Variants in CHI3L2 observed in about 807,000 individuals in gnomAD.
The protein encoded by CHI3L2 is chitinase 3 like 2.
In CHI3L2, 47 loss-of-function variants were observed where a neutral mutation model predicts 47.3. The ratio of observed to expected loss-of-function variants is 0.99; its 90% CI spans 0.79 to 1.27. The LOEUF is 1.27. CHI3L2 is among the 50% of genes most tolerant of loss of function. The probability of loss-of-function intolerance (pLI) is 0.00; values close to 1 mark genes in which losing one functional copy is unlikely to be tolerated. For missense variants in CHI3L2, 497 were observed against 462.1 expected (o/e 1.08, Z -0.69); for synonymous variants, 198 against 169.9 (o/e 1.17, Z -1.28).
chr1:111,231,289 CA>C lies in CHI3L2; in HGVS notation c.327del (p.Phe111SerfsTer18). The stretch of plus-strand genomic sequence containing the variant: ...CCATTGGAGGGTACCTGTTTGGTTC[CA>C]AAGGGTAAGACTACATCTTTATTTT... ...LSIGGYLFGS[K>X]GFHPMVDSST... On this transcript the variant is annotated frameshift_variant, in exon 4 of 11. Coordinates refer to ENST00000369748, the MANE Select transcript of CHI3L2 (RefSeq NM_004000.3). LOFTEE classifies it high-confidence loss of function. The C allele has an allele frequency of 6.2e-7, 1 of 1,607,514 alleles. No individual in the cohort carries two copies. The highest frequency in any genetic ancestry group is 8.5e-7 in the Non-Finnish European group (1 of 1,174,354).
rs184484506 is a variant in CHI3L2 at position 111,230,604 on chromosome 1, G to T, written c.71-138G>T. On this transcript the variant is annotated intron_variant, in intron 2 of 10. Coordinates refer to ENST00000369748, the MANE Select transcript of CHI3L2 (RefSeq NM_004000.3). ...GGGTACTCAAGAGCCAGCACTAAAG[G>T]CCCAGGCTGAATGACCCTCAGAGGC... 1.4e-3 allele frequency: 981 copies of T among 692,716 alleles called. 5 individuals carry two copies. The highest frequency in any genetic ancestry group is 3.2e-3 in the Admixed American group (134 of 41,552). The allele number at this position is 692,716 out of a possible 1,614,324, so 42.9% of individuals were successfully genotyped here. A position where few individuals can be genotyped will look rare whatever the true frequency, so the allele number is the denominator to read the frequency against.
At chr1:111,228,712 T>G (rs1303790805) in intron 1 of CHI3L2, among the ~76,000 whole-genome samples, 1 of 152,224 alleles carries the variant, frequency 6.6e-6, no homozygotes, top group African/African-American at 2.4e-5. Flanking sequence ...CCAGCAGCTG[T>G]GTCATTGAAA....
In CHI3L2 at chr1:111,241,587, A is replaced by G. The variant is rs187740728; in HGVS notation, c.1035+144A>G. The stretch of plus-strand genomic sequence containing the variant: ...CCAGCAGCCTTTATAGCTCAAGTCT[A>G]GTAGTGACTCTATGTCACACCCGCG... On this transcript the variant is annotated intron_variant, in intron 9 of 10. Coordinates refer to ENST00000369748, the MANE Select transcript of CHI3L2 (RefSeq NM_004000.3). 1.6e-3 allele frequency: 1,003 copies of G among 609,156 alleles called. 3 individuals carry two copies. Among genetic ancestry groups the G allele is most frequent in the Non-Finnish European group, 2.5e-3 (856 of 337,668 alleles). The allele number at this position is 609,156 out of a possible 1,614,324, so 37.7% of individuals were successfully genotyped here. A position where few individuals can be genotyped will look rare whatever the true frequency, so the allele number is the denominator to read the frequency against.
chr1:111,236,533 G>C (rs1446713595), intron 7 of CHI3L2, among the ~76,000 whole-genome samples: 1 of 152,110 alleles, frequency 6.6e-6, no homozygotes, highest in Non-Finnish European at 1.5e-5. Context: ...AAAACCCCAT[G>C]AGGTCAGCTG....
At position 111,242,241 on chromosome 1, in the gene CHI3L2, GAATTTA is replaced by G. The variant is rs1336805877; in HGVS notation, c.1053_1058del (p.Asn353_Leu354del). ...GTCTCCCATAGGTTCAGTTCTTAAA[GAATTTA>G]AACCTGGGAGGAGCCATGATCTGGT... is the stretch of plus-strand genomic sequence containing the variant. On this transcript the variant is annotated inframe_deletion, in exon 10 of 11. Transcript: ENST00000369748. 2 of 1,614,008 alleles carry G rather than the reference GAATTTA, an allele frequency of 1.2e-6. No homozygotes were observed. The highest frequency in any genetic ancestry group is 2.7e-5 in the African/African-American group (2 of 74,916).
Position 111,234,961 on chromosome 1 carries a change from A to G in CHI3L2, c.384A>G (p.Ile128Met), listed in dbSNP as rs1291481064. Residue 128 changes from isoleucine to methionine, a missense_variant, in exon 5 of 11, where the codon ATA (isoleucine) becomes ATG (methionine). Transcript: ENST00000369748. ...STSRLEFINS[I>M]ILFLRNHNFD... ...CACGCTTGGAATTCATTAACTCCAT[A>G]ATCCTGTTTCTGAGGAACCATAACT... 1 of 1,614,134 alleles carries G rather than the reference A, an allele frequency of 6.2e-7. No individual in the cohort carries two copies. The highest frequency in any genetic ancestry group is 1.7e-5 in the Admixed American group (1 of 60,028).
chr1:111,239,026 T>G, intron 8 of CHI3L2, 94 bp downstream of exon 8: 1 of 1,272,098 alleles, frequency 7.9e-7, no homozygotes, highest in African/African-American at 1.5e-5. Flanking sequence ...TCCTGAGTGT[T>G]GCGAAGGGGA....
chr1:111,232,156 G>C (rs1376334637), intron 4 of CHI3L2, among the ~76,000 whole-genome samples: 2 of 152,178 alleles, frequency 1.3e-5, no homozygotes, highest in African/African-American at 4.8e-5. Context: ...GTAGATTTCT[G>C]CACACAGAAA....
chr1:111,238,757 C>T lies in CHI3L2; in HGVS notation c.743C>T (p.Ala248Val), dbSNP rs145737207. Residue 248 changes from alanine (A) to valine (V), a missense_variant, in exon 8 of 11, where the codon GCT (alanine) becomes GTT (valine). Coordinates refer to ENST00000369748, the MANE Select transcript of CHI3L2 (RefSeq NM_004000.3). ...TCTCTCTTCCCATTCTAGGAATATG[C>T]TGTGGGGTACTGGATACATAAGGGA... is the stretch of plus-strand genomic sequence containing the variant. ...GPSSYYNVEY[A>V]VGYWIHKGMP... 3 of 1,613,596 alleles carry T rather than the reference C, an allele frequency of 1.9e-6. No individual in the cohort carries two copies. Among genetic ancestry groups the T allele is most frequent in the African/African-American group, 1.3e-5 (1 of 74,910 alleles).
At chr1:111,233,808 G>C (rs1465451138) in intron 4 of CHI3L2, among the ~76,000 whole-genome samples, 92 of 152,100 alleles carry the variant, frequency 6.0e-4, no homozygotes, top group African/African-American at 2.0e-3. Flanking sequence ...TGTGTAGAAA[G>C]AAGTAGACAT....
chr1:111,236,217 A>T, intron 7 of CHI3L2, 64 bp downstream of exon 7: 1 of 1,545,232 alleles, frequency 6.5e-7, no homozygotes, highest in Non-Finnish European at 8.9e-7. Flanking sequence ...AGAGTCCAGC[A>T]TGTCTAGAGT....
rs1659855679 is a variant in CHI3L2 at position 111,235,582 on chromosome 1, C to T, written c.481-57C>T. 1.9e-6 allele frequency: 3 copies of T among 1,572,602 alleles called. No individual in the cohort carries two copies. The Admixed American group carries it at 5.4e-5, about 29-fold the overall frequency. On this transcript the variant is annotated intron_variant, in intron 5 of 10. Coordinates refer to ENST00000369748, the MANE Select transcript of CHI3L2 (RefSeq NM_004000.3). ...AACCTCATAGATTCCAGGCAAGAAG[C>T]TTAGCACTGTACTCTGGGAAGGGGA...
intron 4 of CHI3L2, among the ~76,000 whole-genome samples, chr1:111,233,718 A>G (rs1275071300): frequency 6.6e-6 from 1 of 151,974 alleles, no homozygotes; most frequent in Non-Finnish European, 1.5e-5. Flanking sequence ...AGAACGGGCC[A>G]TGATGACAAT....
chr1:111,230,704 GC>G, intron 2 of CHI3L2, 37 bp from the exon 3 acceptor site: 1 of 1,556,044 alleles, frequency 6.4e-7, no homozygotes. Context: ...TAAGGCAACA[GC>G]CCTAGAGTCT....
chr1:111,237,996 C>T (rs1462585701), intron 7 of CHI3L2, among the ~76,000 whole-genome samples: 2 of 152,194 alleles, frequency 1.3e-5, no homozygotes, highest in African/African-American at 2.4e-5. Flanking sequence ...CTTATCATAA[C>T]CCAGACATTC....
At chr1:111,233,679 G>A (rs1333044746) in intron 4 of CHI3L2, among the ~76,000 whole-genome samples, 14 of 152,108 alleles carry the variant, frequency 9.2e-5, no homozygotes, top group Middle Eastern at 3.4e-3. Flanking sequence ...CCACCACCCC[G>A]TCTGGGAGGT....
intron 8 of CHI3L2, among the ~76,000 whole-genome samples, chr1:111,240,140 A>T (rs1660004358): frequency 6.6e-6 from 1 of 151,942 alleles, no homozygotes; most frequent in South Asian, 2.1e-4. Context: ...GAGAAAAAAA[A>T]ATATCATTCT....
Position 111,239,024 on chromosome 1 carries a change from G to A in CHI3L2, c.918+92G>A, listed in dbSNP as rs1173409522. The A allele has an allele frequency of 2.3e-6, 3 of 1,276,834 alleles. No homozygotes were observed. The African/African-American group carries it at 4.5e-5, about 19-fold the overall frequency. The allele number at this position is 1,276,834 out of a possible 1,614,324, so 79.1% of individuals were successfully genotyped here. On this transcript the variant is annotated intron_variant, in intron 8 of 10. Coordinates refer to ENST00000369748, the MANE Select transcript of CHI3L2 (RefSeq NM_004000.3). ...GACAGCAGAGTAAAGCATCCTGAGT[G>A]TTGCGAAGGGGAAAGGGCAGAGTAC...
chr1:111,235,907 T>C lies in CHI3L2; in HGVS notation c.606-117T>C. Reference sequence around the variant, plus strand: ...CCTGCATCATTCAGCCAGGAACAACTTCTTTACAGAGACTTTCAATCCTTC... The same window carrying C: ...CCTGCATCATTCAGCCAGGAACAACCTCTTTACAGAGACTTTCAATCCTTC... On this transcript the variant is annotated intron_variant, in intron 6 of 10. Coordinates refer to ENST00000369748, the MANE Select transcript of CHI3L2 (RefSeq NM_004000.3). 5 of 1,541,772 alleles carry C rather than the reference T, an allele frequency of 3.2e-6. No individual in the cohort carries two copies. The Admixed American group carries it at 9.0e-5, about 28-fold the overall frequency.
Sources: allele counts gnomAD v4.1 joint callset (sites outside exome capture counted in the v4.1 genomes callset), GRCh38; gene constraint gnomAD v4.1.1; transcripts MANE v1.5; gene names NCBI Gene and HGNC (gene_info 2026-07-23, HGNC 2026-07-21).